The following SLC44A5 variants were observed in gnomAD, a reference collection of about 807,000 sequenced individuals.
SLC44A5 encodes the protein solute carrier family 44 member 5.
SLC44A5 carries 57 observed loss-of-function variants against 101.8 expected under a neutral mutation model. The ratio of observed to expected loss-of-function variants is 0.56; its 90% CI spans 0.45 to 0.70. The LOEUF is 0.70. Among genes scored for constraint, SLC44A5 ranks in the 30% least tolerant of loss-of-function variants. The pLI is 0.00. For missense variants in SLC44A5, 737 were observed against 853.1 expected (o/e 0.86, Z 1.70); for synonymous variants, 281 against 290.9 (o/e 0.97, Z 0.35).
intron 4 of SLC44A5, among the ~76,000 whole-genome samples, chr1:75,312,762 G>A (rs1340105160): frequency 1.3e-5 from 2 of 151,978 alleles, no homozygotes; most frequent in Non-Finnish European, 2.9e-5. Context: ...ACAATTAAGT[G>A]ACTGAATAGC....
At chr1:75,230,522 T>TA (rs1647456007) in intron 12 of SLC44A5, among the ~76,000 whole-genome samples, 1 of 152,306 alleles carries the variant, frequency 6.6e-6, no homozygotes, top group South Asian at 2.1e-4. Context: ...GTGCTGGGAT[T>TA]ACAGGTGTGA....
At chr1:75,460,192 G>A (rs1197890995) in intron 2 of SLC44A5, among the ~76,000 whole-genome samples, 4 of 152,102 alleles carry the variant, frequency 2.6e-5, no homozygotes, top group Non-Finnish European at 5.9e-5. Flanking sequence ...GGAACTCTGA[G>A]GACAAATGGA....
chr1:75,210,167 C>T (rs1224885531), intron 23 of SLC44A5, among the ~76,000 whole-genome samples: 4 of 152,060 alleles, frequency 2.6e-5, no homozygotes, highest in Non-Finnish European at 5.9e-5. Flanking sequence ...CCACCTCAGC[C>T]TCCTGGGTAG....
chr1:75,208,281 C>G (rs936770387), intron 23 of SLC44A5, among the ~76,000 whole-genome samples: 1 of 152,096 alleles, frequency 6.6e-6, no homozygotes, highest in Non-Finnish European at 1.5e-5. Context: ...GTCTCAGCCT[C>G]CAGAGTAGCT....
chr1:75,567,999 T>A (rs1672877020), intron 1 of SLC44A5, among the ~76,000 whole-genome samples: 1 of 152,182 alleles, frequency 6.6e-6, no homozygotes, highest in South Asian at 2.1e-4. Flanking sequence ...GGCATATAGT[T>A]AAATACATTA....
chr1:75,621,966 CAT>C, the SLC44A5 span, among the ~76,000 whole-genome samples: 2 of 152,124 alleles, frequency 1.3e-5, no homozygotes, highest in Non-Finnish European at 2.9e-5. Flanking sequence ...ATTATGTACA[CAT>C]GAGACTTAAA....
At chr1:75,392,684 C>G (rs1486193670) in intron 3 of SLC44A5, among the ~76,000 whole-genome samples, 4 of 152,028 alleles carry the variant, frequency 2.6e-5, no homozygotes, top group Non-Finnish European at 4.4e-5. Flanking sequence ...ATTGTTCTAC[C>G]AAAAAGACAC....
In SLC44A5 at chr1:75,241,057, G is replaced by GT. The variant is rs539933195; in HGVS notation, c.532+943dup. 5.6e-3 allele frequency among the ~76,000 whole-genome samples: 732 copies of GT among 131,478 alleles called. 12 individuals carry two copies. Among genetic ancestry groups the GT allele is most frequent in the African/African-American group, 0.019 (683 of 36,532 alleles). The allele number at this position is 131,478 out of a possible 152,430, so 86.3% of individuals were successfully genotyped here. ...TAATAATTCTAAAATATTTCATTTA[G>GT]TGAATACATTATAATTTAAATATTC... On this transcript the variant is annotated intron_variant, in intron 9 of 23. Coordinates refer to ENST00000370859, the MANE Select transcript of SLC44A5 (RefSeq NM_001130058.2).
At chr1:75,313,784 C>G (rs955528833) in intron 4 of SLC44A5, among the ~76,000 whole-genome samples, 1 of 152,030 alleles carries the variant, frequency 6.6e-6, no homozygotes, top group Non-Finnish European at 1.5e-5. Flanking sequence ...AGCAGTAGGG[C>G]TCCTGATGAA....
intron 1 of SLC44A5, among the ~76,000 whole-genome samples, chr1:75,562,755 C>G (rs1452980536): frequency 6.6e-6 from 1 of 152,048 alleles, no homozygotes. Context: ...TTACCTTATG[C>G]CAATTCAGGA....
intron 3 of SLC44A5, among the ~76,000 whole-genome samples, chr1:75,364,563 A>G (rs2101131121): frequency 6.6e-6 from 1 of 152,296 alleles, no homozygotes; most frequent in Non-Finnish European, 1.5e-5. Context: ...TTAAAACATG[A>G]GATTTTGGTG....
chr1:75,451,149 C>T (rs1305678542), intron 2 of SLC44A5, among the ~76,000 whole-genome samples: 7 of 152,164 alleles, frequency 4.6e-5, no homozygotes, highest in Admixed American at 6.5e-5. Flanking sequence ...TGCCAGCAGG[C>T]GACTTCTAGG....
the SLC44A5 span, among the ~76,000 whole-genome samples, chr1:75,653,897 T>C: frequency 6.6e-6 from 1 of 152,166 alleles, no homozygotes. Flanking sequence ...GTTACAAAAA[T>C]ATTGGTGAAG....
chr1:75,349,268 T>C (rs1253111840), intron 3 of SLC44A5, among the ~76,000 whole-genome samples: 1 of 152,000 alleles, frequency 6.6e-6, no homozygotes, highest in Non-Finnish European at 1.5e-5. Flanking sequence ...GAGCCCAGGA[T>C]GCAGAGGTTG....
Position 75,394,711 on chromosome 1 carries a change from A to G in SLC44A5, c.52+1872T>C, listed in dbSNP as rs188210785. 2.6e-5 allele frequency among the ~76,000 whole-genome samples: 4 copies of G among 152,228 alleles called. No homozygotes were observed. The East Asian group carries it at 7.7e-4, about 29-fold the overall frequency. On this transcript the variant is annotated intron_variant, in intron 3 of 23. Coordinates refer to ENST00000370859, the MANE Select transcript of SLC44A5 (RefSeq NM_001130058.2). ...CTCCAGTTCTCCCAAGCTTACCCCC[A>G]TTGTTAGCACAGTTAAGCTTTCTTT...
the SLC44A5 span, among the ~76,000 whole-genome samples, chr1:75,626,170 G>T: frequency 6.6e-6 from 1 of 152,118 alleles, no homozygotes; most frequent in African/African-American, 2.4e-5. Flanking sequence ...AATCAAGCCT[G>T]AAATCATTTT....
At chr1:75,613,169 G>A (rs185485712), upstream of SLC44A5, among the ~76,000 whole-genome samples, 40 of 152,306 alleles carry the variant, frequency 2.6e-4, no homozygotes, top group African/African-American at 9.1e-4. Context: ...CCCTGCATGC[G>A]GTGTAGCTAA....
chr1:75,426,360 T>C (rs1304389192), intron 2 of SLC44A5, among the ~76,000 whole-genome samples: 3 of 152,230 alleles, frequency 2.0e-5, no homozygotes, highest in Admixed American at 2.0e-4. Flanking sequence ...AAATGGTTAT[T>C]GCTGAAATTG....
intron 17 of SLC44A5, 39 bp from the exon 18 acceptor site, chr1:75,217,999 A>G (rs1408107153): frequency 2.3e-6 from 3 of 1,318,150 alleles, no homozygotes; most frequent in African/African-American, 1.5e-5. Context: ...AAAACTTAAT[A>G]CTATTATTTA....
Sources: allele counts gnomAD v4.1 joint callset (sites outside exome capture counted in the v4.1 genomes callset), GRCh38; gene constraint gnomAD v4.1.1; transcripts MANE v1.5; gene names NCBI Gene and HGNC (gene_info 2026-07-23, HGNC 2026-07-21).